Variants in FHIT observed in about 807,000 individuals in gnomAD.
FHIT encodes fragile histidine triad diadenosine triphosphatase, also known as bis(5'-adenosyl)-triphosphatase.
Under a neutral mutation model 17.9 loss-of-function variants are expected in FHIT, and 19 were observed. The ratio of observed to expected loss-of-function variants is 1.06; its 90% CI spans 0.74 to 1.56. The LOEUF is 1.56. Among genes scored for constraint, FHIT ranks in the 40% most tolerant of loss-of-function variants. FHIT has a pLI of 0.00. For missense variants in FHIT, 248 were observed against 189.2 expected, an observed-to-expected ratio of 1.31 and a Z score of -1.82; for synonymous variants, 81 against 69.7, an observed-to-expected ratio of 1.16 and a Z score of -0.81.
intron 8 of FHIT, among the ~76,000 whole-genome samples, chr3:59,908,353 T>C (rs1475654516): frequency 6.6e-6 from 1 of 152,242 alleles, no homozygotes; most frequent in African/African-American, 2.4e-5. Flanking sequence ...TAGCAAAGTA[T>C]GTAAGAACAG....
intron 7 of FHIT, among the ~76,000 whole-genome samples, chr3:59,981,226 C>T (rs779974317): frequency 3.3e-5 from 5 of 152,116 alleles, no homozygotes; most frequent in Admixed American, 6.5e-5. Context: ...TTAGATTATT[C>T]CTGAATCCAG....
At chr3:61,246,802 A>C (rs2040496874) in intron 1 of FHIT, among the ~76,000 whole-genome samples, 1 of 152,150 alleles carries the variant, frequency 6.6e-6, no homozygotes, top group Non-Finnish European at 1.5e-5. Flanking sequence ...ACCACGGCAC[A>C]TGTATACCTA....
At chr3:60,249,856 C>A (rs1040201603) in intron 5 of FHIT, among the ~76,000 whole-genome samples, 1 of 152,058 alleles carries the variant, frequency 6.6e-6, no homozygotes, top group South Asian at 2.1e-4. Context: ...GCTGAGGAGG[C>A]CTCACACGCA....
intron 2 of FHIT, among the ~76,000 whole-genome samples, chr3:61,193,119 G>C (rs577153904): frequency 6.6e-6 from 1 of 152,164 alleles, no homozygotes; most frequent in Non-Finnish European, 1.5e-5. Context: ...TCATTGAAGG[G>C]AATGTGTTAC....
chr3:59,987,207 T>C (rs2630171), intron 7 of FHIT, among the ~76,000 whole-genome samples: 5 of 140,410 alleles, frequency 3.6e-5, no homozygotes, highest in Non-Finnish European at 8.1e-5. Flanking sequence ...CCTATATATA[T>C]TTATTTATTT....
rs114415056 is a variant in FHIT at position 60,541,498 on chromosome 3, C to T, written c.-17-4519G>A. On this transcript the variant is annotated intron_variant, in intron 4 of 9. Transcript: ENST00000492590. ...ACCATATTCTACATGTGGGGCTATT[C>T]GTACTACCTGGTTCTAGGGATGGGC... is the stretch of plus-strand genomic sequence containing the variant. Among the ~76,000 whole-genome samples, 721 of 152,196 alleles carry T rather than the reference C, an allele frequency of 4.7e-3. 4 individuals carry two copies. Among genetic ancestry groups the T allele is most frequent in the African/African-American group, 0.017 (692 of 41,512 alleles).
chr3:60,529,836 T>G (rs1020662980), intron 5 of FHIT, among the ~76,000 whole-genome samples: 2 of 152,230 alleles, frequency 1.3e-5, no homozygotes, highest in African/African-American at 4.8e-5. Flanking sequence ...TAATTATCAT[T>G]CTACCATTCA....
At chr3:61,201,422 A>C (rs2039009173) in intron 1 of FHIT, among the ~76,000 whole-genome samples, 1 of 152,220 alleles carries the variant, frequency 6.6e-6, no homozygotes, top group Non-Finnish European at 1.5e-5. Flanking sequence ...AGGTGCCTCT[A>C]CAGTCACCAG....
chr3:59,852,929 G>A (rs1013923375), intron 8 of FHIT, among the ~76,000 whole-genome samples: 39 of 152,130 alleles, frequency 2.6e-4, no homozygotes, highest in African/African-American at 9.2e-4. Context: ...TTCACCCACT[G>A]AAGAATTTCT....
At chr3:59,920,478 C>G (rs1003200992) in intron 8 of FHIT, among the ~76,000 whole-genome samples, 16 of 152,130 alleles carry the variant, frequency 1.1e-4, no homozygotes, top group African/African-American at 3.9e-4. Flanking sequence ...AGGAATAAGA[C>G]AGGAGAGAGA....
intron 5 of FHIT, among the ~76,000 whole-genome samples, chr3:60,271,995 C>T (rs1706888271): frequency 6.6e-6 from 1 of 152,166 alleles, no homozygotes; most frequent in African/African-American, 2.4e-5. Context: ...GCACAGAGAC[C>T]TGTCCAAGAT....
intron 5 of FHIT, among the ~76,000 whole-genome samples, chr3:60,089,568 C>T (rs1198255350): frequency 6.6e-6 from 1 of 152,126 alleles, no homozygotes; most frequent in Non-Finnish European, 1.5e-5. Flanking sequence ...AACACAAGTT[C>T]AACAGCAACA....
chr3:60,550,290 G>C (rs140079565), intron 4 of FHIT, among the ~76,000 whole-genome samples: 2 of 151,834 alleles, frequency 1.3e-5, no homozygotes. Flanking sequence ...ATCTACAGGC[G>C]TATGTCAAAA....
chr3:60,057,335 G>C (rs1444805921), intron 5 of FHIT, among the ~76,000 whole-genome samples: 2 of 152,134 alleles, frequency 1.3e-5, no homozygotes, highest in African/African-American at 4.8e-5. Context: ...AACCCTGCCT[G>C]GTCTGTTGCT....
intron 7 of FHIT, among the ~76,000 whole-genome samples, chr3:59,986,521 A>AAATATATTTATATTTATACATT (rs1392369113): frequency 0.32 from 1,538 of 4,870 alleles, 68 homozygotes; most frequent in Middle Eastern, 0.5. Flanking sequence ...ATATATATAT[A>AAATATATTTATATTTATACATT]TATATATATA....
At chr3:59,780,897 TC>T in intron 8 of FHIT, among the ~76,000 whole-genome samples, 1 of 152,232 alleles carries the variant, frequency 6.6e-6, no homozygotes, top group Non-Finnish European at 1.5e-5. Context: ...CTACAAATTC[TC>T]CTCTAAGTGC....
intron 1 of FHIT, among the ~76,000 whole-genome samples, chr3:61,223,700 C>T (rs1462269726): frequency 6.6e-6 from 1 of 152,204 alleles, no homozygotes; most frequent in Non-Finnish European, 1.5e-5. Context: ...AGTCCCCAAT[C>T]CCTGACTCGA....
At chr3:60,447,066 C>T (rs765987351) in intron 5 of FHIT, among the ~76,000 whole-genome samples, 2 of 151,912 alleles carry the variant, frequency 1.3e-5, no homozygotes, top group East Asian at 1.9e-4. Context: ...TTTCTAGCTG[C>T]CTGTTTTCTC....
At chr3:60,132,569 A>G (rs1699640730) in intron 5 of FHIT, among the ~76,000 whole-genome samples, 1 of 152,196 alleles carries the variant, frequency 6.6e-6, no homozygotes, top group Non-Finnish European at 1.5e-5. Flanking sequence ...CCTAGTTGGA[A>G]GATACTTTTA....
Sources: allele counts gnomAD v4.1 joint callset (sites outside exome capture counted in the v4.1 genomes callset), GRCh38; gene constraint gnomAD v4.1.1; transcripts MANE v1.5; gene names NCBI Gene and HGNC (gene_info 2026-07-23, HGNC 2026-07-21).